C12orf42: variants seen among roughly 807,000 people sequenced by gnomAD.
C12orf42 encodes the protein uncharacterized protein C12orf42.
In C12orf42, 25 loss-of-function variants were observed where a neutral mutation model predicts 21.6. The ratio of observed to expected loss-of-function variants is 1.16; its 90% CI spans 0.84 to 1.62. The LOEUF is 1.62. Ranked by LOEUF, C12orf42 falls within the 40% of genes most tolerant of loss-of-function variation. The pLI, the probability that C12orf42 is intolerant of heterozygous loss-of-function variation, is 0.00. For synonymous variants in C12orf42, 174 were observed against 175.0 expected, an observed-to-expected ratio of 0.99 and a Z score of 0.05; for missense variants, 483 against 459.3, an observed-to-expected ratio of 1.05 and a Z score of -0.47.
At chr12:103,221,837 C>T in the C12orf42 span, among the ~76,000 whole-genome samples, 1 of 152,106 alleles carries the variant, frequency 6.6e-6, no homozygotes, top group African/African-American at 2.4e-5. Context: ...GGCAAGGAAA[C>T]TGAATAGCAA....
chr12:103,210,973 A>G, the C12orf42 span, among the ~76,000 whole-genome samples: 1 of 152,134 alleles, frequency 6.6e-6, no homozygotes, highest in Admixed American at 6.5e-5. Context: ...TGACAAAGCG[A>G]GACTCCATCT....
At chr12:103,160,575 A>T in the C12orf42 span, among the ~76,000 whole-genome samples, 763 of 152,278 alleles carry the variant, frequency 5.0e-3, 11 homozygotes, top group African/African-American at 0.017. Context: ...CTCAAAGAAG[A>T]TCCCTCAAGA....
chr12:103,475,889 T>C (rs1457261381), intron 2 of C12orf42, among the ~76,000 whole-genome samples: 7 of 152,206 alleles, frequency 4.6e-5, no homozygotes, highest in Non-Finnish European at 8.8e-5. Flanking sequence ...CCTCAGAATC[T>C]TTCTCAACAC....
chr12:103,431,437 G>A (rs1950258023), intron 2 of C12orf42: 1 of 152,166 alleles, frequency 6.6e-6, no homozygotes, highest in African/African-American at 2.4e-5. Context: ...GTCACGGATG[G>A]TAAAATATTG....
the C12orf42 span, among the ~76,000 whole-genome samples, chr12:103,221,715 C>T: frequency 6.6e-6 from 1 of 152,122 alleles, no homozygotes; most frequent in Admixed American, 6.5e-5. Context: ...ATTTTATGGC[C>T]GTGGACAAAC....
chr12:103,153,489 G>C, the C12orf42 span, among the ~76,000 whole-genome samples: 8 of 151,908 alleles, frequency 5.3e-5, no homozygotes. Context: ...TTAAAAATAG[G>C]CATTCCCAAT....
At chr12:103,290,004 T>C (rs2036695037) in intron 4 of C12orf42, among the ~76,000 whole-genome samples, 1 of 152,180 alleles carries the variant, frequency 6.6e-6, no homozygotes, top group Non-Finnish European at 1.5e-5. Flanking sequence ...CTTCCTGCAC[T>C]AATGCCTGCC....
the C12orf42 span, among the ~76,000 whole-genome samples, chr12:103,533,792 C>T: frequency 6.6e-6 from 1 of 152,164 alleles, no homozygotes; most frequent in African/African-American, 2.4e-5. Context: ...ATATGCTATT[C>T]TCCTTCTTTT....
At chr12:103,284,776 T>C (rs947984979) in intron 4 of C12orf42, among the ~76,000 whole-genome samples, 2 of 152,212 alleles carry the variant, frequency 1.3e-5, no homozygotes, top group East Asian at 1.9e-4. Context: ...AGAGCCACAA[T>C]TGACTTTCGT....
chr12:103,446,527 G>A (rs1034518139), intron 2 of C12orf42, among the ~76,000 whole-genome samples: 9 of 151,998 alleles, frequency 5.9e-5, no homozygotes, highest in Non-Finnish European at 1.3e-4. Flanking sequence ...TACATTGAAT[G>A]TAAATAGCCT....
chr12:103,110,155 C>G, the C12orf42 span, among the ~76,000 whole-genome samples: 1 of 152,134 alleles, frequency 6.6e-6, no homozygotes, highest in Non-Finnish European at 1.5e-5. Flanking sequence ...AGTAATAACC[C>G]ACATGTCCAT....
At chr12:103,373,824 T>C (rs1205537372) in intron 3 of C12orf42, among the ~76,000 whole-genome samples, 1 of 152,208 alleles carries the variant, frequency 6.6e-6, no homozygotes, top group Non-Finnish European at 1.5e-5. Context: ...TTTCAGCAAG[T>C]GGAAAATCAA....
chr12:103,157,474 TA>T, the C12orf42 span, among the ~76,000 whole-genome samples: 2 of 152,360 alleles, frequency 1.3e-5, no homozygotes, highest in East Asian at 3.9e-4. Flanking sequence ...GCTCTTTAAT[TA>T]GATCCCATTT....
At chr12:103,558,239 A>T in the C12orf42 span, 1 of 152,186 alleles carries the variant, frequency 6.6e-6, no homozygotes, top group Non-Finnish European at 1.5e-5. Context: ...AACTAAGAAA[A>T]ATGTTTAAAA....
At chr12:103,157,718 A>G in the C12orf42 span, among the ~76,000 whole-genome samples, 42 of 152,204 alleles carry the variant, frequency 2.8e-4, no homozygotes, top group African/African-American at 1.0e-3. Flanking sequence ...CCGTTTACCG[A>G]ATAGAAGATC....
the C12orf42 span, among the ~76,000 whole-genome samples, chr12:103,088,674 G>C: frequency 1.3e-5 from 2 of 152,156 alleles, no homozygotes; most frequent in Non-Finnish European, 2.9e-5. Context: ...TTAAAGCAAT[G>C]ATAAAGTGTG....
At chr12:103,380,367 T>G (rs1253566604) in intron 3 of C12orf42, among the ~76,000 whole-genome samples, 1 of 152,158 alleles carries the variant, frequency 6.6e-6, no homozygotes, top group Non-Finnish European at 1.5e-5. Context: ...TTTTTTTTTG[T>G]AAACTGTTAT....
chr12:103,101,092 A>C, the C12orf42 span, among the ~76,000 whole-genome samples: 8 of 152,322 alleles, frequency 5.3e-5, no homozygotes, highest in Admixed American at 1.3e-4. Flanking sequence ...TTCACCTGGA[A>C]AATGGGATAA....
intron 2 of C12orf42, among the ~76,000 whole-genome samples, chr12:103,464,803 C>G (rs1487232241): frequency 6.6e-6 from 1 of 152,166 alleles, no homozygotes. Context: ...GTTCTCCCAG[C>G]ACCATTTATT....
Sources: allele counts gnomAD v4.1 joint callset (sites outside exome capture counted in the v4.1 genomes callset), GRCh38; gene constraint gnomAD v4.1.1; transcripts MANE v1.5; gene names NCBI Gene and HGNC (gene_info 2026-07-23, HGNC 2026-07-21).